MACF1: variants seen among roughly 807,000 people sequenced by gnomAD.
MACF1 encodes the protein microtubule actin crosslinking factor 1.
Under a neutral mutation model 854.8 loss-of-function variants are expected in MACF1, and 193 were observed. The ratio of observed to expected loss-of-function variants is 0.23; its 90% confidence interval spans 0.20 to 0.25. The LOEUF is 0.25. MACF1 is among the 10% of genes least tolerant of loss of function. The probability of loss-of-function intolerance (pLI) is 1.00; values close to 1 mark genes in which losing one functional copy is unlikely to be tolerated. For synonymous variants in MACF1, 3,185 were observed against 3,226.7 expected (o/e 0.99, Z 0.44); for missense variants, 7,722 against 8,929.1 (o/e 0.86, Z 5.45).
intron 88 of MACF1, among the ~76,000 whole-genome samples, chr1:39,454,539 G>A (rs370508910): frequency 6.6e-6 from 1 of 152,134 alleles, no homozygotes; most frequent in Non-Finnish European, 1.5e-5. Context: ...AGTGGATCAC[G>A]CCTATAATCC....
At chr1:39,234,598 A>G (rs1644832083) in intron 2 of MACF1, among the ~76,000 whole-genome samples, 1 of 65,764 alleles carries the variant, frequency 1.5e-5, no homozygotes, top group Non-Finnish European at 3.1e-5. Context: ...CGGGGGGCTG[A>G]CCGCCCCACC....
At position 39,205,124 on chromosome 1, in the gene MACF1, T is replaced by C. The variant is rs1318181410; in HGVS notation, c.102T>C (p.Gly34=). The change falls in exon 1 of 101, where the codon GGT becomes GGC. Residue 34 remains glycine (G), a synonymous_variant. Transcript: ENST00000564288. Reference sequence around the variant, plus strand: ...TATACTGGAAGAGGCATGCCAGAGGTAGAGCAGGTAACTAACTGGTACCCA... The same window carrying C: ...TATACTGGAAGAGGCATGCCAGAGGCAGAGCAGGTAACTAACTGGTACCCA... ...GVLYWKRHAR[G]RADERDRVQK... 1.3e-5 allele frequency: 9 copies of C among 702,792 alleles called. No homozygotes were observed. The East Asian group carries it at 2.4e-4, about 19-fold the overall frequency. The allele number at this position is 702,792 out of a possible 1,614,324, so 43.5% of individuals were successfully genotyped here. A position where few individuals can be genotyped will look rare whatever the true frequency, so the allele number is the denominator to read the frequency against.
At position 39,327,315 on chromosome 1, in the gene MACF1, C is replaced by A; in HGVS notation, c.4576C>A (p.Gln1526Lys). Residue 1526 changes from glutamine to lysine, a missense_variant, in exon 36 of 101, where the codon CAG becomes AAG. Transcript: ENST00000564288. The stretch of plus-strand genomic sequence containing the variant: ...TGATGGTTCTGCAAATCAGCTTCAG[C>A]AGCTTCAGAGCCAGTTGGCTCACCA... Reference protein sequence around the residue: ...LCDGSANQLQQLQSQLAHQTE... With the variant: ...LCDGSANQLQKLQSQLAHQTE... 6.2e-7 allele frequency: 1 copy of A among 1,606,828 alleles called. No individual in the cohort carries two copies. Among genetic ancestry groups the A allele is most frequent in the South Asian group, 1.1e-5 (1 of 90,584 alleles).
intron 1 of MACF1, among the ~76,000 whole-genome samples, chr1:39,225,407 A>G (rs949063679): frequency 4.6e-5 from 7 of 151,146 alleles, no homozygotes; most frequent in African/African-American, 1.5e-4. Flanking sequence ...TAGTAGAGAC[A>G]GGGTTTCACC....
chr1:39,163,340 C>CAAAAAAAAAAAAAAAAAAAAAA (rs11371076), intron 2 of MACF1, among the ~76,000 whole-genome samples: 1 of 80,356 alleles, frequency 1.2e-5, no homozygotes, highest in Non-Finnish European at 2.2e-5. Context: ...AAGACTGTCT[C>CAAAAAAAAAAAAAAAAAAAAAA]AAAAAAAAAA....
intron 31 of MACF1, among the ~76,000 whole-genome samples, chr1:39,321,246 A>T (rs3116390): frequency 6.6e-6 from 1 of 152,280 alleles, no homozygotes; most frequent in Middle Eastern, 3.4e-3. Flanking sequence ...ATGCACTTAG[A>T]CTATGTTTCT....
chr1:39,179,704 A>G (rs976050076), intron 2 of MACF1, among the ~76,000 whole-genome samples: 33 of 152,106 alleles, frequency 2.2e-4, no homozygotes, highest in African/African-American at 8.0e-4. Flanking sequence ...CTAATTGTAT[A>G]GTTTATATAT....
chr1:39,322,992 G>A lies in MACF1; in HGVS notation c.4220G>A (p.Arg1407His), dbSNP rs148253091. ...AAATACATCAGTGATGCACTCCGGC[G>A]TCTGGAGGAGGAGGAGGTGAGGACA... The part of the protein sequence containing the change: ...HVKYISDALR[R>H]LEEEEKVVEE... The change falls in exon 33 of 101, where the codon CGT becomes CAT. Residue 1407 changes from arginine (R) to histidine (H), a missense_variant. Physicochemically the swap from Arg to His is conservative, Grantham distance 29 (BLOSUM62 0). Transcript: ENST00000564288. 66 of 1,614,050 alleles carry A rather than the reference G, an allele frequency of 4.1e-5. No individual in the cohort carries two copies. In the Admixed American group the frequency reaches 7.7e-4, roughly 19 times the overall value.
intron 78 of MACF1, 114 bp downstream of exon 78, chr1:39,443,025 G>A: frequency 9.6e-7 from 1 of 1,041,858 alleles, no homozygotes; most frequent in Non-Finnish European, 1.4e-6. Context: ...GTCTTGAGGG[G>A]AAGGTTAATA....
chr1:39,362,268 G>A lies in MACF1; in HGVS notation c.12771+591G>A, dbSNP rs1304829421. On this transcript the variant is annotated intron_variant, in intron 49 of 100. Transcript: ENST00000564288. ...GCTGTACCAGCACACATTCCCACCT[G>A]TAGTACTTCAGCATTCCTGTATCTC... Among the ~76,000 whole-genome samples, 2 of 152,180 alleles carry A rather than the reference G, an allele frequency of 1.3e-5. 1 individual carries two copies. The highest frequency in any genetic ancestry group is 2.9e-5 in the Non-Finnish European group (2 of 68,036).
intron 4 of MACF1, among the ~76,000 whole-genome samples, chr1:39,252,566 G>A (rs1351737868): frequency 6.6e-6 from 1 of 152,034 alleles, no homozygotes; most frequent in Admixed American, 6.6e-5. Flanking sequence ...TCTGCCTGCA[G>A]GCCCTAAATT....
At chr1:39,341,222 C>T (rs998603598) in intron 40 of MACF1, among the ~76,000 whole-genome samples, 1 of 150,762 alleles carries the variant, frequency 6.6e-6, no homozygotes, top group Admixed American at 6.6e-5. Context: ...TTAGTGGAGA[C>T]GGGGTTTCAC....
chr1:39,333,436 C>G lies in MACF1; in HGVS notation c.6848C>G (p.Ala2283Gly), dbSNP rs767278635. 1 of 1,614,120 alleles carries G rather than the reference C, an allele frequency of 6.2e-7. No homozygotes were observed. The highest frequency in any genetic ancestry group is 8.5e-7 in the Non-Finnish European group (1 of 1,180,020). ...CSHPLELLEE[A>G]TLNVLSAQLL... is the part of the protein sequence containing the mutation. ...CATCCATTAGAATTGCTTGAAGAAG[C>G]TACCTTAAATGTATTATCTGCACAG... Residue 2283 changes from alanine (A) to glycine (G), a missense_variant, in exon 37 of 101, where the codon GCT becomes GGT. Around this residue, in one of 15 missense-constraint regions of MACF1, gnomAD observed 1,531 missense variants for 1,601.6 expected, o/e 0.96. Coordinates refer to ENST00000564288, the MANE Select transcript of MACF1 (RefSeq NM_001394062.1).
intron 2 of MACF1, among the ~76,000 whole-genome samples, chr1:39,194,741 G>A (rs980996195): frequency 2.0e-5 from 3 of 148,892 alleles, no homozygotes; most frequent in African/African-American, 7.5e-5. Flanking sequence ...GTCTAGGCTG[G>A]AGTGCAGTGG....
intron 70 of MACF1, among the ~76,000 whole-genome samples, chr1:39,436,960 G>A (rs888112029): frequency 6.6e-6 from 1 of 152,178 alleles, no homozygotes; most frequent in East Asian, 1.9e-4. Context: ...TGTTCCATAA[G>A]GTGGGTCGTT....
intron 2 of MACF1, among the ~76,000 whole-genome samples, chr1:39,176,097 G>A (rs140567158): frequency 0.11 from 2,824 of 25,746 alleles, 76 homozygotes; most frequent in East Asian, 0.46. Flanking sequence ...GCGACAGAGC[G>A]AGACTCCTTC....
intron 2 of MACF1, among the ~76,000 whole-genome samples, chr1:39,176,554 T>C (rs1180800231): frequency 1.3e-5 from 2 of 152,218 alleles, no homozygotes; most frequent in African/African-American, 4.8e-5. Flanking sequence ...TTTCCTTCTT[T>C]TTCCCCCCAT....
At chr1:39,250,413 A>G (rs1038751159) in intron 3 of MACF1, among the ~76,000 whole-genome samples, 20 of 152,314 alleles carry the variant, frequency 1.3e-4, no homozygotes, top group African/African-American at 4.6e-4. Context: ...CAGAAACAGT[A>G]GATTCATGTT....
chr1:39,224,461 G>A (rs888975124), intron 1 of MACF1, among the ~76,000 whole-genome samples: 1 of 152,210 alleles, frequency 6.6e-6, no homozygotes, highest in Non-Finnish European at 1.5e-5. Context: ...ATGATCACCA[G>A]TGTCTTCTGC....
Sources: allele counts gnomAD v4.1 joint callset (sites outside exome capture counted in the v4.1 genomes callset), GRCh38; gene constraint gnomAD v4.1.1; regional missense constraint gnomAD v4.1.1; transcripts MANE v1.5; gene names NCBI Gene and HGNC (gene_info 2026-07-23, HGNC 2026-07-21).